The following VKORC1L1 variants were observed in gnomAD, a reference collection of about 807,000 sequenced individuals.
VKORC1L1 encodes the protein vitamin K epoxide reductase complex subunit 1-like protein 1.
In VKORC1L1, 2 loss-of-function variants were observed where a neutral mutation model predicts 18.9. That is an observed-to-expected ratio of 0.11 (90% CI 0.04 to 0.33). VKORC1L1 has a LOEUF of 0.33. Ranked by LOEUF, VKORC1L1 falls within the 10% of genes least tolerant of loss-of-function variation. The probability of loss-of-function intolerance (pLI) is 1.00; values close to 1 mark genes in which losing one functional copy is unlikely to be tolerated. For missense variants in VKORC1L1, 123 were observed against 224.1 expected, an observed-to-expected ratio of 0.55 and a Z score of 2.88; for synonymous variants, 96 against 100.0, an observed-to-expected ratio of 0.96 and a Z score of 0.24.
chr7:65,888,287 G>A (rs1789048369), intron 1 of VKORC1L1, among the ~76,000 whole-genome samples: 1 of 152,098 alleles, frequency 6.6e-6, no homozygotes, highest in Non-Finnish European at 1.5e-5. Context: ...GACAACAAAA[G>A]GACTCTACGT....
At chr7:65,891,212 TATTG>T (rs1450001790) in intron 1 of VKORC1L1, among the ~76,000 whole-genome samples, 1 of 152,078 alleles carries the variant, frequency 6.6e-6, no homozygotes, top group East Asian at 1.9e-4. Context: ...TTCATTTTCT[TATTG>T]ATTGTTTCTA....
chr7:65,887,931 T>C (rs543262511), intron 1 of VKORC1L1, among the ~76,000 whole-genome samples: 1 of 152,384 alleles, frequency 6.6e-6, no homozygotes, highest in Middle Eastern at 3.4e-3. Flanking sequence ...TTAGACTTTA[T>C]CACTTAGTGA....
chr7:65,923,987 G>C (rs1036731545), intron 1 of VKORC1L1, among the ~76,000 whole-genome samples: 1 of 152,172 alleles, frequency 6.6e-6, no homozygotes, highest in African/African-American at 2.4e-5. Flanking sequence ...GCTAGTTTCT[G>C]AGATATGGGT....
At chr7:65,931,640 G>A (rs930779769) in intron 1 of VKORC1L1, among the ~76,000 whole-genome samples, 2 of 151,850 alleles carry the variant, frequency 1.3e-5, no homozygotes, top group Non-Finnish European at 2.9e-5. Flanking sequence ...GAGGTTTATT[G>A]ATTTTCTTTT....
chr7:65,921,847 CAA>C (rs781755033), intron 1 of VKORC1L1, among the ~76,000 whole-genome samples: 5 of 129,508 alleles, frequency 3.9e-5, no homozygotes, highest in East Asian at 2.2e-4. Flanking sequence ...GACTCCATCT[CAA>C]AAAAAAAAAA....
chr7:65,906,052 G>T (rs979987574), intron 1 of VKORC1L1, among the ~76,000 whole-genome samples: 9 of 151,564 alleles, frequency 5.9e-5, no homozygotes, highest in African/African-American at 2.2e-4. Context: ...AGCTTCATTG[G>T]TTCTAGAATG....
At position 65,914,987 on chromosome 7, in the gene VKORC1L1, CAG is replaced by C. The variant is rs1225842691; in HGVS notation, c.195-33681_195-33680del. On this transcript the variant is annotated intron_variant, in intron 1 of 2. Transcript: ENST00000360768. ...TGCTACTGCACTCCAGCCTGGGTAA[CAG>C]AGCAAGACCGTGTCTCAAAAAACAA... 3.3e-5 allele frequency among the ~76,000 whole-genome samples: 5 copies of C among 152,064 alleles called. No individual in the cohort carries two copies. In the East Asian group the frequency reaches 9.7e-4, roughly 29 times the overall value.
At chr7:65,888,266 A>G (rs1789048132) in intron 1 of VKORC1L1, among the ~76,000 whole-genome samples, 1 of 152,184 alleles carries the variant, frequency 6.6e-6, no homozygotes, top group African/African-American at 2.4e-5. Context: ...AAATATTTGC[A>G]CTGACAAATG....
intron 1 of VKORC1L1, among the ~76,000 whole-genome samples, chr7:65,908,531 C>T (rs1789444681): frequency 6.6e-6 from 1 of 151,990 alleles, no homozygotes; most frequent in South Asian, 2.1e-4. Context: ...CCACTGAAGG[C>T]AGAGTTTTTA....
upstream of VKORC1L1, among the ~76,000 whole-genome samples, chr7:65,869,918 G>C (rs1411410692): frequency 3.3e-5 from 5 of 151,312 alleles, no homozygotes; most frequent in Non-Finnish European, 7.4e-5. Flanking sequence ...GCCTCCCAAA[G>C]CATTGGGATT....
chr7:65,872,841 C>G (rs1398698285), upstream of VKORC1L1, among the ~76,000 whole-genome samples: 1 of 151,994 alleles, frequency 6.6e-6, no homozygotes, highest in African/African-American at 2.4e-5. Flanking sequence ...ATTGCCATCC[C>G]CAGAGGGAGG....
intron 1 of VKORC1L1, among the ~76,000 whole-genome samples, chr7:65,885,756 C>T (rs1789001036): frequency 6.6e-6 from 1 of 151,942 alleles, no homozygotes; most frequent in African/African-American, 2.4e-5. Flanking sequence ...TGTGTTTATT[C>T]CATTACCACC....
intron 1 of VKORC1L1, among the ~76,000 whole-genome samples, chr7:65,897,631 G>A (rs892879805): frequency 2.9e-4 from 44 of 151,446 alleles, no homozygotes; most frequent in East Asian, 7.7e-4. Context: ...TTAGAAGTCA[G>A]GGTAGTATTA....
chr7:65,956,301 A>C lies in VKORC1L1; in HGVS notation c.*2001A>C, dbSNP rs954110272. 1 of 152,364 alleles carries C rather than the reference A, an allele frequency of 6.6e-6. No individual in the cohort carries two copies. The highest frequency in any genetic ancestry group is 6.5e-5 in the Admixed American group (1 of 15,302). 9.4% of individuals were successfully genotyped at this position (152,364 alleles called of 1,614,324 possible). On this transcript the variant is annotated 3_prime_UTR_variant, in exon 3 of 3. Transcript: ENST00000360768. ...TCTAAGCTACAGTGGAAATGGCCTAATGGTTAAAACTGTGGTATACATGAC... is the reference window on the plus strand; with the variant it reads ...TCTAAGCTACAGTGGAAATGGCCTACTGGTTAAAACTGTGGTATACATGAC...
intron 1 of VKORC1L1, among the ~76,000 whole-genome samples, chr7:65,880,106 G>C (rs1788903494): frequency 6.6e-6 from 1 of 152,042 alleles, no homozygotes; most frequent in Non-Finnish European, 1.5e-5. Context: ...CTTCCCACTT[G>C]GCCTCCCAAA....
chr7:65,886,361 A>G (rs1443365022), intron 1 of VKORC1L1, among the ~76,000 whole-genome samples: 1 of 152,142 alleles, frequency 6.6e-6, no homozygotes, highest in African/African-American at 2.4e-5. Context: ...TTCTGAGGGT[A>G]CACATTAAGA....
At chr7:65,947,801 C>T (rs1790147062) in intron 1 of VKORC1L1, among the ~76,000 whole-genome samples, 1 of 152,018 alleles carries the variant, frequency 6.6e-6, no homozygotes, top group African/African-American at 2.4e-5. Flanking sequence ...AGTGATTCTC[C>T]TGCCTTAGTC....
intron 1 of VKORC1L1, among the ~76,000 whole-genome samples, chr7:65,932,883 G>A (rs1789881466): frequency 6.6e-6 from 1 of 151,982 alleles, no homozygotes; most frequent in Non-Finnish European, 1.5e-5. Context: ...TTCAAGACCA[G>A]CCTGGCCAAG....
intron 1 of VKORC1L1, among the ~76,000 whole-genome samples, chr7:65,874,373 GC>G (rs1414933685): frequency 1.3e-5 from 2 of 151,852 alleles, no homozygotes; most frequent in Non-Finnish European, 2.9e-5. Context: ...AAACGTTGTT[GC>G]CTATTAGCAT....
Sources: gnomAD v4.1 joint callset for allele counts (sites outside exome capture counted in the v4.1 genomes callset) on GRCh38, gnomAD v4.1.1 for gene constraint, MANE v1.5 for transcripts, NCBI Gene and HGNC (gene_info 2026-07-23, HGNC 2026-07-21) for gene names.